KLRG1: variants seen among roughly 807,000 people sequenced by gnomAD.
The protein encoded by KLRG1 is killer cell lectin-like receptor subfamily G member 1.
A neutral mutation model predicts 21.8 loss-of-function variants in KLRG1; 16 were observed. The observed-to-expected ratio is 0.73, with a 90% CI of 0.50 to 1.11. The LOEUF (loss-of-function observed/expected upper bound fraction) is 1.11. Among genes scored for constraint, KLRG1 ranks in the 50% most tolerant of loss-of-function variants. KLRG1 has a pLI of 0.00. For missense variants in KLRG1, 173 were observed against 218.3 expected (o/e 0.79, Z 1.31); for synonymous variants, 69 against 75.9 (o/e 0.91, Z 0.47).
the KLRG1 span, among the ~76,000 whole-genome samples, chr12:9,117,013 A>T: frequency 5.0e-4 from 76 of 152,274 alleles, no homozygotes; most frequent in Non-Finnish European, 1.0e-3. Flanking sequence ...GGAACCTTTT[A>T]AAAAAATTTT....
the KLRG1 span, among the ~76,000 whole-genome samples, chr12:9,185,081 A>G: frequency 7.2e-5 from 11 of 152,236 alleles, no homozygotes; most frequent in Non-Finnish European, 1.5e-4. Context: ...TAGGGCTGAG[A>G]TGGCTGAAAT....
At chr12:9,149,498 G>T in the KLRG1 span, 1 of 1,459,916 alleles carries the variant, frequency 6.8e-7, no homozygotes, top group Non-Finnish European at 9.4e-7. Context: ...AATTTAAATT[G>T]CAGGGGCCCT....
At chr12:9,115,181 C>T in the KLRG1 span, 1 of 152,648 alleles carries the variant, frequency 6.6e-6, no homozygotes, top group Non-Finnish European at 1.5e-5. Context: ...TATCAAGAAT[C>T]CCTTCTCATC....
At chr12:9,056,328 A>G in the KLRG1 span, among the ~76,000 whole-genome samples, 1 of 152,220 alleles carries the variant, frequency 6.6e-6, no homozygotes, top group African/African-American at 2.4e-5. Context: ...TGATACCATT[A>G]GTATAATCCG....
the KLRG1 span, chr12:9,166,197 G>T: frequency 6.2e-7 from 1 of 1,609,978 alleles, no homozygotes; most frequent in Non-Finnish European, 8.5e-7. Flanking sequence ...ACTACTCCTA[G>T]ACCTGCTAAA....
At chr12:9,157,990 G>A in the KLRG1 span, 2 of 741,744 alleles carry the variant, frequency 2.7e-6, no homozygotes, top group Non-Finnish European at 4.5e-6. Flanking sequence ...TTCTTGCTCT[G>A]TAGCTCAGGC....
the KLRG1 span, chr12:9,077,692 A>G: frequency 1.2e-6 from 2 of 1,613,150 alleles, no homozygotes; most frequent in South Asian, 1.1e-5. Flanking sequence ...TAGCTCCAGA[A>G]TGATTCACCT....
chr12:9,127,824 C>T, the KLRG1 span: 4 of 229,918 alleles, frequency 1.7e-5, no homozygotes, highest in East Asian at 1.6e-4. Flanking sequence ...TGGAGGAGGC[C>T]GGGTGAGCTG....
chr12:8,984,964 C>T (rs913958563), upstream of KLRG1, among the ~76,000 whole-genome samples: 4 of 152,140 alleles, frequency 2.6e-5, no homozygotes, highest in South Asian at 8.3e-4. Context: ...TTTCTTTATA[C>T]CTTTCACCCC....
chr12:9,091,865 C>T, the KLRG1 span, among the ~76,000 whole-genome samples: 2 of 152,158 alleles, frequency 1.3e-5, no homozygotes, highest in East Asian at 3.9e-4. Flanking sequence ...GGTCCTTATG[C>T]CCATTTTCTG....
At chr12:9,098,177 A>T in the KLRG1 span, among the ~76,000 whole-genome samples, 2 of 152,064 alleles carry the variant, frequency 1.3e-5, no homozygotes, top group Non-Finnish European at 2.9e-5. Flanking sequence ...ATTTTGCATA[A>T]CTGCACTTCT....
the KLRG1 span, chr12:9,036,682 CCTT>C: frequency 4.1e-6 from 1 of 242,134 alleles, no homozygotes; most frequent in African/African-American, 2.3e-5. Context: ...TTTGATACTA[CCTT>C]CTTAGCAATC....
At chr12:9,203,631 G>T in the KLRG1 span, 2 of 1,008,226 alleles carry the variant, frequency 2.0e-6, no homozygotes, top group Non-Finnish European at 2.9e-6. Context: ...GTGAGCCACC[G>T]CACCTGGCCC....
chr12:8,961,419 A>C (rs1176341788), intron 1 of KLRG1, among the ~76,000 whole-genome samples: 1 of 151,904 alleles, frequency 6.6e-6, no homozygotes, highest in African/African-American at 2.4e-5. Flanking sequence ...TTATTTATTT[A>C]TTTATTTTTA....
intron 1 of KLRG1, among the ~76,000 whole-genome samples, chr12:8,973,186 A>G: frequency 6.9e-6 from 1 of 144,104 alleles, no homozygotes; most frequent in Non-Finnish European, 1.5e-5. Context: ...AAAAAAAAAA[A>G]AAAGAATGCC....
the KLRG1 span, among the ~76,000 whole-genome samples, chr12:9,102,127 A>C: frequency 1.3e-4 from 20 of 152,328 alleles, no homozygotes; most frequent in South Asian, 3.9e-3. Context: ...TAGGGGTCTG[A>C]GAAGACATTG....
intron 1 of KLRG1, among the ~76,000 whole-genome samples, chr12:8,968,241 C>CA (rs11337518): frequency 1.3e-4 from 20 of 150,552 alleles, no homozygotes; most frequent in Admixed American, 2.0e-4. Flanking sequence ...CTATCTAAAA[C>CA]AAAAAAAAAA....
At chr12:9,027,029 T>C in the KLRG1 span, among the ~76,000 whole-genome samples, 3 of 151,954 alleles carry the variant, frequency 2.0e-5, no homozygotes, top group Admixed American at 6.6e-5. Flanking sequence ...CTTTTTTTTT[T>C]TAATTGACAA....
At chr12:9,169,483 C>T in the KLRG1 span, 1 of 1,612,498 alleles carries the variant, frequency 6.2e-7, no homozygotes, top group Admixed American at 1.7e-5. Flanking sequence ...ACATAGATGG[C>T]TCCATTATGA....
Sources: allele counts gnomAD v4.1 joint callset (sites outside exome capture counted in the v4.1 genomes callset), GRCh38; gene constraint gnomAD v4.1.1; transcripts MANE v1.5; gene names NCBI Gene and HGNC (gene_info 2026-07-23, HGNC 2026-07-21).